The following DDX10 variants were observed in gnomAD, a reference collection of about 807,000 sequenced individuals.
The protein encoded by DDX10 is probable ATP-dependent RNA helicase DDX10.
In DDX10, 74 loss-of-function variants were observed where a neutral mutation model predicts 104.3. That is an observed-to-expected ratio of 0.71 (90% confidence interval 0.59 to 0.86). The LOEUF (loss-of-function observed/expected upper bound fraction) is 0.86. DDX10 is among the 40% of genes least tolerant of loss of function. DDX10 has a pLI of 0.00. For missense variants in DDX10, 952 were observed against 1,040.0 expected, an observed-to-expected ratio of 0.92 and a Z score of 1.16; for synonymous variants, 351 against 353.4, an observed-to-expected ratio of 0.99 and a Z score of 0.08.
chr11:108,899,428 G>A (rs1259024133), intron 16 of DDX10, among the ~76,000 whole-genome samples: 6 of 151,628 alleles, frequency 4.0e-5, no homozygotes, highest in Non-Finnish European at 7.4e-5. Flanking sequence ...GGAAAAGAGG[G>A]AGATATATGG....
intron 13 of DDX10, among the ~76,000 whole-genome samples, chr11:108,809,985 A>G (rs547260781): frequency 6.6e-6 from 1 of 152,236 alleles, no homozygotes; most frequent in South Asian, 2.1e-4. Flanking sequence ...CCCTTCTTTT[A>G]TATGTGGTTA....
intron 2 of DDX10, among the ~76,000 whole-genome samples, chr11:108,675,343 A>T (rs2094223028): frequency 6.6e-6 from 1 of 152,210 alleles, no homozygotes. Flanking sequence ...CCCTCTGTGC[A>T]TGTGGACCCT....
intron 13 of DDX10, among the ~76,000 whole-genome samples, chr11:108,753,987 A>C (rs1331683456): frequency 3.3e-5 from 5 of 152,064 alleles, no homozygotes; most frequent in African/African-American, 1.2e-4. Flanking sequence ...CCTTTAAAAA[A>C]GTGAATCCAA....
intron 6 of DDX10, among the ~76,000 whole-genome samples, chr11:108,683,263 C>A (rs1244095572): frequency 6.6e-6 from 1 of 152,272 alleles, no homozygotes; most frequent in South Asian, 2.1e-4. Context: ...TGTTTTTCCT[C>A]ATTTTGACTT....
chr11:108,682,047 C>T (rs189709915), intron 6 of DDX10, among the ~76,000 whole-genome samples: 21 of 152,018 alleles, frequency 1.4e-4, no homozygotes, highest in Admixed American at 6.5e-4. Flanking sequence ...TCCCTACTCC[C>T]GGTGTTTTTT....
At chr11:108,817,973 A>G (rs1418819521) in intron 13 of DDX10, among the ~76,000 whole-genome samples, 7 of 152,240 alleles carry the variant, frequency 4.6e-5, no homozygotes, top group Admixed American at 6.5e-5. Flanking sequence ...TATTTCAACA[A>G]CTGTCCTGTG....
At chr11:108,895,018 A>C (rs562174157) in intron 16 of DDX10, among the ~76,000 whole-genome samples, 6 of 152,102 alleles carry the variant, frequency 3.9e-5, no homozygotes, top group African/African-American at 1.2e-4. Flanking sequence ...TACTTTGGAC[A>C]ATTTCAAAAT....
chr11:108,842,937 T>C (rs1452930152), intron 15 of DDX10, among the ~76,000 whole-genome samples: 1 of 152,220 alleles, frequency 6.6e-6, no homozygotes. Flanking sequence ...CCTTGCCATC[T>C]CTTTTCTCCC....
chr11:108,780,533 C>T (rs1376280436), intron 13 of DDX10, among the ~76,000 whole-genome samples: 1 of 152,034 alleles, frequency 6.6e-6, no homozygotes, highest in African/African-American at 2.4e-5. Context: ...ATCCAGAGTT[C>T]TAAGAATTTT....
chr11:108,868,929 A>G (rs1281242420), intron 16 of DDX10, among the ~76,000 whole-genome samples: 2 of 151,768 alleles, frequency 1.3e-5, no homozygotes, highest in East Asian at 1.9e-4. Context: ...ACTGAGGGTT[A>G]AAGAGGTAAA....
chr11:108,691,958 G>A lies in DDX10; in HGVS notation c.1058G>A (p.Arg353Lys). ...LALHGRQQQM[R>K]RMEVYNEFVR... ...CTCCATGGTCGACAGCAGCAAATGA[G>A]AAGAATGGAAGTCTATAATGAGTTT... is the stretch of plus-strand genomic sequence containing the variant. Residue 353 changes from arginine to lysine, a missense_variant, in exon 8 of 18, where the codon AGA becomes AAA. Coordinates refer to ENST00000322536, the MANE Select transcript of DDX10 (RefSeq NM_004398.4). 6.2e-7 allele frequency: 1 copy of A among 1,614,150 alleles called. No homozygotes were observed. Among genetic ancestry groups the A allele is most frequent in the Non-Finnish European group, 8.5e-7 (1 of 1,180,024 alleles).
intron 16 of DDX10, among the ~76,000 whole-genome samples, chr11:108,896,112 T>C (rs1863437214): frequency 1.3e-5 from 2 of 152,164 alleles, no homozygotes; most frequent in South Asian, 4.1e-4. Context: ...TTGCCGTGAC[T>C]GTATTATCCA....
At chr11:108,924,018 A>C (rs1314414158) in intron 17 of DDX10, among the ~76,000 whole-genome samples, 1 of 152,050 alleles carries the variant, frequency 6.6e-6, no homozygotes, top group African/African-American at 2.4e-5. Flanking sequence ...TATAAGATTA[A>C]TTTTTGTATA....
intron 9 of DDX10, among the ~76,000 whole-genome samples, chr11:108,704,996 C>T (rs147267543): frequency 6.6e-6 from 1 of 152,250 alleles, no homozygotes; most frequent in East Asian, 1.9e-4. Context: ...CAGGCAGTGC[C>T]ACCTCTCAGT....
intron 16 of DDX10, among the ~76,000 whole-genome samples, chr11:108,856,863 C>T (rs1411405005): frequency 1.3e-5 from 2 of 150,572 alleles, no homozygotes; most frequent in Non-Finnish European, 3.0e-5. Flanking sequence ...CCCCCCACCA[C>T]CCCCGCGTGA....
intron 16 of DDX10, among the ~76,000 whole-genome samples, chr11:108,862,942 A>G (rs1192473904): frequency 6.6e-6 from 1 of 152,212 alleles, no homozygotes; most frequent in African/African-American, 2.4e-5. Flanking sequence ...AAATAGATGA[A>G]TAGTAACTGA....
intron 16 of DDX10, among the ~76,000 whole-genome samples, chr11:108,883,150 G>A (rs908198742): frequency 6.6e-6 from 1 of 152,012 alleles, no homozygotes; most frequent in Admixed American, 6.5e-5. Flanking sequence ...CTTGACTGGT[G>A]TTATTTAGGT....
intron 16 of DDX10, among the ~76,000 whole-genome samples, chr11:108,881,909 A>AT (rs917437011): frequency 6.6e-6 from 1 of 151,578 alleles, no homozygotes; most frequent in African/African-American, 2.4e-5. Context: ...AATTAAAAAA[A>AT]TTTTTTTTGC....
At chr11:108,717,398 C>G (rs571148139) in intron 11 of DDX10, among the ~76,000 whole-genome samples, 1 of 152,316 alleles carries the variant, frequency 6.6e-6, no homozygotes, top group East Asian at 1.9e-4. Context: ...CAACCTCCGC[C>G]TCCCGGGTTC....
Sources: gnomAD v4.1 joint callset for allele counts (sites outside exome capture counted in the v4.1 genomes callset) on GRCh38, gnomAD v4.1.1 for gene constraint, MANE v1.5 for transcripts, NCBI Gene and HGNC (gene_info 2026-07-23, HGNC 2026-07-21) for gene names.